Variants in WDPCP observed in about 807,000 individuals in gnomAD.
WDPCP encodes the protein WD repeat containing planar cell polarity effector.
WDPCP carries 71 observed loss-of-function variants against 93.1 expected under a neutral mutation model. That is an observed-to-expected ratio of 0.76 (90% confidence interval 0.63 to 0.93). The LOEUF (loss-of-function observed/expected upper bound fraction) is 0.93, where lower values mean the gene tolerates loss of function less well. Ranked by LOEUF, WDPCP falls within the 40% of genes least tolerant of loss-of-function variation. The pLI is 0.00. For missense variants in WDPCP, 844 were observed against 887.4 expected, an observed-to-expected ratio of 0.95 and a Z score of 0.62; for synonymous variants, 315 against 315.0, an observed-to-expected ratio of 1.00 and a Z score of 0.00.
chr2:63,605,333 C>T, intron 3 of WDPCP: 2 of 1,614,186 alleles, frequency 1.2e-6, no homozygotes, highest in East Asian at 2.2e-5. Flanking sequence ...TATCCAGTGC[C>T]ATGTCTGCTG....
At chr2:63,519,255 T>G (rs1264528105) in intron 1 of WDPCP, 3 of 152,354 alleles carry the variant, frequency 2.0e-5, no homozygotes, top group Non-Finnish European at 2.9e-5. Context: ...CCCTCTGCCC[T>G]GCAGAGCCAC....
At chr2:63,629,532 C>A (rs1709843728) in intron 3 of WDPCP, among the ~76,000 whole-genome samples, 1 of 152,196 alleles carries the variant, frequency 6.6e-6, no homozygotes. Flanking sequence ...CAGAGGAGAG[C>A]TAGTGGACAG....
intron 10 of WDPCP, among the ~76,000 whole-genome samples, chr2:63,401,102 A>C (rs1371521617): frequency 2.0e-5 from 3 of 152,190 alleles, no homozygotes; most frequent in African/African-American, 7.2e-5. Flanking sequence ...CTTCATGACG[A>C]AAAAACCAAA....
intron 1 of WDPCP, among the ~76,000 whole-genome samples, chr2:63,816,584 G>A (rs1295929924): frequency 6.6e-6 from 1 of 152,164 alleles, no homozygotes; most frequent in East Asian, 1.9e-4. Flanking sequence ...GAAGAAGAAA[G>A]GAAGGATTAT....
intron 1 of WDPCP, among the ~76,000 whole-genome samples, chr2:63,534,947 T>G (rs1403523011): frequency 6.6e-6 from 1 of 152,214 alleles, no homozygotes; most frequent in South Asian, 2.1e-4. Flanking sequence ...GACACGATTG[T>G]ATATTTAGAA....
chr2:63,141,920 C>T (rs2103703750), intron 17 of WDPCP, among the ~76,000 whole-genome samples: 1 of 152,160 alleles, frequency 6.6e-6, no homozygotes, highest in South Asian at 2.1e-4. Flanking sequence ...GTTCATGTGC[C>T]TAAAGGTGTT....
chr2:63,143,811 G>A (rs1031053845), intron 17 of WDPCP, among the ~76,000 whole-genome samples: 1 of 152,206 alleles, frequency 6.6e-6, no homozygotes, highest in Non-Finnish European at 1.5e-5. Context: ...GAAATCTGCT[G>A]TTAATCTGAT....
chr2:63,315,691 G>C (rs997829941), intron 12 of WDPCP, among the ~76,000 whole-genome samples: 2 of 151,778 alleles, frequency 1.3e-5, no homozygotes, highest in African/African-American at 2.4e-5. Flanking sequence ...AGAATAATCA[G>C]GTTACTATTT....
intron 3 of WDPCP, chr2:63,595,437 G>C: frequency 6.2e-7 from 1 of 1,608,996 alleles, no homozygotes. Flanking sequence ...TAATTCTTGT[G>C]CTGTTGGATA....
intron 15 of WDPCP, among the ~76,000 whole-genome samples, chr2:63,165,559 C>T (rs953711601): frequency 1.3e-5 from 2 of 151,726 alleles, no homozygotes; most frequent in African/African-American, 4.8e-5. Flanking sequence ...TAGAATTCTA[C>T]CTGGTCATCT....
intron 17 of WDPCP, among the ~76,000 whole-genome samples, chr2:63,141,223 C>T (rs572625145): frequency 5.9e-4 from 90 of 152,132 alleles, no homozygotes; most frequent in African/African-American, 1.9e-3. Flanking sequence ...GGATTACAGG[C>T]GTGCGCCACC....
Position 63,484,592 on chromosome 2 carries a change from A to C in WDPCP, c.384+12T>G. 6.2e-7 allele frequency: 1 copy of C among 1,612,708 alleles called. No individual in the cohort carries two copies. The highest frequency in any genetic ancestry group is 8.5e-7 in the Non-Finnish European group (1 of 1,179,084). On this transcript the variant is annotated intron_variant, in intron 6 of 17. Coordinates refer to ENST00000272321, the MANE Select transcript of WDPCP (RefSeq NM_015910.7). ...TGGTTAAACACTGCAAAGGCTTGTC[A>C]AATCATTTTACCTGACAGACATATT...
chr2:63,328,379 G>A (rs1321274274), intron 12 of WDPCP, among the ~76,000 whole-genome samples: 3 of 152,036 alleles, frequency 2.0e-5, no homozygotes, highest in South Asian at 2.1e-4. Flanking sequence ...CTTTGGGTCC[G>A]CGCTGCCTTT....
chr2:63,227,374 T>G (rs1678376042), intron 14 of WDPCP, among the ~76,000 whole-genome samples: 1 of 152,018 alleles, frequency 6.6e-6, no homozygotes, highest in Non-Finnish European at 1.5e-5. Context: ...GATTGTATGA[T>G]ACAGGGCTCA....
chr2:63,376,672 C>T (rs1691878572), intron 12 of WDPCP, among the ~76,000 whole-genome samples: 1 of 151,798 alleles, frequency 6.6e-6, no homozygotes, highest in African/African-American at 2.4e-5. Flanking sequence ...AAGAACAAAG[C>T]TCTAAGTCCA....
chr2:63,169,164 T>C (rs1333263391), intron 15 of WDPCP, among the ~76,000 whole-genome samples: 2 of 152,244 alleles, frequency 1.3e-5, no homozygotes, highest in African/African-American at 4.8e-5. Flanking sequence ...TTTATATTTA[T>C]TAAAATATAG....
rs200076644 is a variant in WDPCP at position 63,597,556 on chromosome 2, C to T, written n.488+53103G>A. The T allele has an allele frequency of 2.7e-4, 388 of 1,420,556 alleles. No homozygotes were observed. The highest frequency in any genetic ancestry group is 7.5e-4 in the Middle Eastern group (4 of 5,354). The allele number at this position is 1,420,556 out of a possible 1,614,324, so 88.0% of individuals were successfully genotyped here. On this transcript the variant is annotated intron_variant and non_coding_transcript_variant, in intron 3 of 4. Coordinates refer to the WDPCP transcript ENST00000467687. ...CCCAGGGTGCAGCCTTAGATAAATA[C>T]GCCAAGAAGTCAGTTAAGGTGACCA...
intron 17 of WDPCP, among the ~76,000 whole-genome samples, chr2:63,148,410 C>T (rs1671668700): frequency 6.6e-6 from 1 of 152,168 alleles, no homozygotes; most frequent in South Asian, 2.1e-4. Flanking sequence ...CATGACCTTT[C>T]CTCACTGCAA....
At chr2:63,751,212 C>A (rs1669876725) in intron 2 of WDPCP, among the ~76,000 whole-genome samples, 1 of 151,950 alleles carries the variant, frequency 6.6e-6, no homozygotes. Context: ...AGAACTTATC[C>A]ATTTTATTTA....
Sources: allele counts gnomAD v4.1 joint callset (sites outside exome capture counted in the v4.1 genomes callset), GRCh38; gene constraint gnomAD v4.1.1; transcripts MANE v1.5; gene names NCBI Gene and HGNC (gene_info 2026-07-23, HGNC 2026-07-21).